The following AVL9 variants were observed in gnomAD, a reference collection of about 807,000 sequenced individuals.
AVL9 encodes late secretory pathway protein AVL9 homolog.
AVL9 carries 49 observed loss-of-function variants against 79.2 expected under a neutral mutation model. That is an observed-to-expected ratio of 0.62 (90% CI 0.49 to 0.79). The LOEUF (loss-of-function observed/expected upper bound fraction) is 0.79, where lower values mean the gene tolerates loss of function less well. Ranked by LOEUF, AVL9 falls within the 30% of genes least tolerant of loss-of-function variation. AVL9 has a pLI of 0.00. For missense variants in AVL9, 682 were observed against 776.8 expected (o/e 0.88, Z 1.45); for synonymous variants, 299 against 280.6 (o/e 1.07, Z -0.65).
At position 32,579,391 on chromosome 7, in the gene AVL9, ATATGT is replaced by A. The variant is rs369220951; in HGVS notation, c.1689-824_1689-820del. ...TATAATATATGTTATATAACATATT[ATATGT>A]TATATATTATATATAATATGTTATA... On this transcript the variant is annotated intron_variant, in intron 13 of 15. Transcript: ENST00000318709. Among the ~76,000 whole-genome samples, 53 of 20,784 alleles carry A rather than the reference ATATGT, an allele frequency of 2.6e-3. 4 individuals are homozygous for A. The East Asian group carries it at 0.029, about 11-fold the overall frequency. 13.6% of individuals were successfully genotyped at this position (20,784 alleles called of 152,430 possible).
In AVL9 at chr7:32,580,865, T is replaced by C. The variant is rs1341412361; in HGVS notation, c.1806T>C (p.Asn602=). 5.0e-6 allele frequency: 8 copies of C among 1,613,940 alleles called. No homozygotes were observed. The South Asian group carries it at 7.7e-5, about 16-fold the overall frequency. Residue 602 remains asparagine, a synonymous_variant, in exon 15 of 16, where the codon AAT becomes AAC. Transcript: ENST00000318709. The part of the protein sequence containing the change: ...IGNVMVTTSR[N]VVQTGKAVGQ... ...ACGTCATGGTCACAACTAGCCGGAA[T>C]GTTGTACAAACAGGAAAAGCTGTTG...
chr7:32,579,366 TA>T (rs1791261704), intron 13 of AVL9, among the ~76,000 whole-genome samples: 5 of 65,642 alleles, frequency 7.6e-5, no homozygotes, highest in African/African-American at 2.8e-4. Context: ...ATATAACATA[TA>T]TAATATATGT....
chr7:32,554,587 T>G lies in AVL9; in HGVS notation c.600T>G (p.Leu200=). 6.4e-7 allele frequency: 1 copy of G among 1,550,698 alleles called. No individual in the cohort carries two copies. The highest frequency in any genetic ancestry group is 8.8e-7 in the Non-Finnish European group (1 of 1,142,496). ...TAATCCTATTTAAGCTAATTCTTCT[T>G]GAAAAAAAGGTACGATCCTAAGGGA... is the stretch of plus-strand genomic sequence containing the variant. ...KVLILFKLIL[L]EKKVLFYISP... Residue 200 remains leucine, a synonymous_variant, in exon 8 of 16, where the codon CTT becomes CTG. Transcript: ENST00000318709.
intron 1 of AVL9, among the ~76,000 whole-genome samples, chr7:32,498,118 A>G (rs200267527): frequency 6.6e-6 from 1 of 152,246 alleles, no homozygotes; most frequent in Non-Finnish European, 1.5e-5. Context: ...GTCATTTGAC[A>G]TGGACCTCAA....
chr7:32,500,412 C>T (rs576835055), intron 1 of AVL9, among the ~76,000 whole-genome samples: 41 of 152,142 alleles, frequency 2.7e-4, no homozygotes, highest in African/African-American at 7.5e-4. Context: ...TCATATCCTT[C>T]GCCCACTTTT....
chr7:32,498,112 T>C (rs1786940671), intron 1 of AVL9, among the ~76,000 whole-genome samples: 1 of 152,240 alleles, frequency 6.6e-6, no homozygotes, highest in Admixed American at 6.5e-5. Context: ...AACTTTGTCA[T>C]TTGACATGGA....
At position 32,585,474 on chromosome 7, in the gene AVL9, CAG is replaced by C. The variant is rs758889175; in HGVS notation, c.*1572_*1573del. 6.6e-6 allele frequency: 1 copy of C among 152,152 alleles called. No homozygotes were observed. Among genetic ancestry groups the C allele is most frequent in the South Asian group, 2.1e-4 (1 of 4,820 alleles). 9.4% of individuals were successfully genotyped at this position (152,152 alleles called of 1,614,324 possible). On this transcript the variant is annotated 3_prime_UTR_variant, in exon 16 of 16. Coordinates refer to ENST00000318709, the MANE Select transcript of AVL9 (RefSeq NM_015060.3). Reference sequence around the variant, plus strand: ...CAAGGATACCTGGGATGGCTGTTCTCAGAGAGTACTTACGGGGAACAGACTGC... The same window carrying C: ...CAAGGATACCTGGGATGGCTGTTCTCAGAGTACTTACGGGGAACAGACTGC...
intron 15 of AVL9, 144 bp from the exon 16 acceptor site, chr7:32,583,648 C>T (rs1022177072): frequency 1.8e-6 from 1 of 544,642 alleles, no homozygotes; most frequent in Non-Finnish European, 3.2e-6. Flanking sequence ...CACTGCACTC[C>T]AGCCTGGGCG....
chr7:32,532,737 T>G (rs1286368030), intron 1 of AVL9: 1 of 152,192 alleles, frequency 6.6e-6, no homozygotes, highest in African/African-American at 2.4e-5. Context: ...TTATTTCCAT[T>G]TAATTTAAAA....
intron 1 of AVL9, among the ~76,000 whole-genome samples, chr7:32,514,061 G>T (rs1787804450): frequency 6.6e-6 from 1 of 152,320 alleles, no homozygotes; most frequent in Admixed American, 6.5e-5. Context: ...TGTACGCTCG[G>T]TTTTACACCA....
At chr7:32,570,482 G>A (rs1056522513) in intron 11 of AVL9, among the ~76,000 whole-genome samples, 1 of 152,204 alleles carries the variant, frequency 6.6e-6, no homozygotes, top group African/African-American at 2.4e-5. Context: ...TTTTTAACAT[G>A]TGTTTGTTGT....
chr7:32,524,278 G>A (rs1471619724), intron 1 of AVL9, among the ~76,000 whole-genome samples: 1 of 152,088 alleles, frequency 6.6e-6, no homozygotes, highest in Non-Finnish European at 1.5e-5. Context: ...CACTTTGGGA[G>A]GCCAAGGCAG....
At chr7:32,497,034 A>G (rs1338510386) in intron 1 of AVL9, among the ~76,000 whole-genome samples, 1 of 152,210 alleles carries the variant, frequency 6.6e-6, no homozygotes, top group East Asian at 1.9e-4. Flanking sequence ...CAGGAGGCTG[A>G]GGCTACAGTG....
At chr7:32,547,534 G>A (rs1347814797) in intron 3 of AVL9, among the ~76,000 whole-genome samples, 1 of 152,172 alleles carries the variant, frequency 6.6e-6, no homozygotes. Flanking sequence ...TTATCCCTCA[G>A]TGCTGTTTTA....
chr7:32,541,433 A>ACT (rs1443541771), intron 1 of AVL9, among the ~76,000 whole-genome samples: 6 of 152,044 alleles, frequency 3.9e-5, no homozygotes, highest in Admixed American at 2.0e-4. Context: ...TATATATGGG[A>ACT]CTTTGGTATT....
intron 3 of AVL9, among the ~76,000 whole-genome samples, chr7:32,547,358 G>A (rs1301850502): frequency 6.6e-6 from 1 of 152,158 alleles, no homozygotes; most frequent in African/African-American, 2.4e-5. Flanking sequence ...AAAAAATGGA[G>A]TTAGTTATGT....
chr7:32,579,557 T>TAA (rs1554348185), intron 13 of AVL9, among the ~76,000 whole-genome samples: 1 of 2,708 alleles, frequency 3.7e-4, no homozygotes, highest in Non-Finnish European at 5.6e-4. Context: ...ATATTATATA[T>TAA]TATATTATAT....
intron 1 of AVL9, among the ~76,000 whole-genome samples, chr7:32,515,030 A>C (rs1221073999): frequency 6.6e-6 from 1 of 152,212 alleles, no homozygotes; most frequent in African/African-American, 2.4e-5. Flanking sequence ...TGCAGATCAA[A>C]ATGGAGTTTC....
At chr7:32,562,670 A>C (rs1790379210) in intron 10 of AVL9, 1 of 976,214 alleles carries the variant, frequency 1.0e-6, no homozygotes. Flanking sequence ...CTGTAATCCC[A>C]GCACTTTGGG....
Sources: gnomAD v4.1 joint callset for allele counts (sites outside exome capture counted in the v4.1 genomes callset) on GRCh38, gnomAD v4.1.1 for gene constraint, MANE v1.5 for transcripts, NCBI Gene and HGNC (gene_info 2026-07-23, HGNC 2026-07-21) for gene names.